Variants in GPC5 observed in about 807,000 individuals in gnomAD.
The protein encoded by GPC5 is glypican-5.
GPC5 carries 47 observed loss-of-function variants against 53.9 expected under a neutral mutation model. The ratio of observed to expected loss-of-function variants is 0.87; its 90% CI spans 0.69 to 1.11. GPC5 has a LOEUF of 1.11. Ranked by LOEUF, GPC5 falls within the 50% of genes most tolerant of loss-of-function variation. The pLI, the probability that GPC5 is intolerant of heterozygous loss-of-function variation, is 0.00. For missense variants in GPC5, 748 were observed against 713.1 expected (o/e 1.05, Z -0.56); for synonymous variants, 286 against 263.3 (o/e 1.09, Z -0.84).
chr13:92,684,243 GCTTT>G (rs1042197135), intron 7 of GPC5, among the ~76,000 whole-genome samples: 2 of 151,746 alleles, frequency 1.3e-5, no homozygotes, highest in African/African-American at 4.8e-5. Context: ...CCTTTTTATG[GCTTT>G]CTTTCTCTTT....
intron 6 of GPC5, among the ~76,000 whole-genome samples, chr13:92,032,283 C>T (rs543066363): frequency 8.6e-5 from 13 of 150,594 alleles, no homozygotes; most frequent in East Asian, 2.0e-4. Context: ...TTGGGGACTC[C>T]GGGGAAAGGG....
At chr13:92,074,234 G>A (rs774691914) in intron 6 of GPC5, among the ~76,000 whole-genome samples, 3 of 152,132 alleles carry the variant, frequency 2.0e-5, no homozygotes, top group Admixed American at 6.5e-5. Context: ...TAAACAATGG[G>A]GTAAGAAAAG....
intron 7 of GPC5, among the ~76,000 whole-genome samples, chr13:92,713,521 T>C (rs1299269725): frequency 6.8e-6 from 1 of 147,792 alleles, no homozygotes; most frequent in East Asian, 2.0e-4. Flanking sequence ...GGCAGGAGAA[T>C]GGCGTGAACC....
intron 7 of GPC5, among the ~76,000 whole-genome samples, chr13:92,466,965 A>C (rs1878715604): frequency 6.6e-6 from 1 of 152,188 alleles, no homozygotes; most frequent in Admixed American, 6.6e-5. Context: ...GCTAATTAAA[A>C]GTCTGGTGTT....
rs140174093 is a variant in GPC5 at position 91,564,890 on chromosome 13, T to A, written c.325+115968T>A. 7.8e-3 allele frequency among the ~76,000 whole-genome samples: 1,190 copies of A among 152,156 alleles called. 17 individuals are homozygous for A. Among genetic ancestry groups the A allele is most frequent in the African/African-American group, 0.026 (1,083 of 41,508 alleles). On this transcript the variant is annotated intron_variant, in intron 2 of 7. Coordinates refer to ENST00000377067, the MANE Select transcript of GPC5 (RefSeq NM_004466.6). ...ACAAAATTCAAATATTCATATTTTA[T>A]AAATTAAATAAAATAATTCAAGGTC...
rs371470947 is a variant in GPC5, at chr13:91,674,651, C to T, written c.326-18536C>T. Among the ~76,000 whole-genome samples the T allele has an allele frequency of 7.3e-5, 10 of 136,142 alleles. 2 individuals are homozygous for T. The South Asian group carries it at 2.1e-3, about 28-fold the overall frequency. 89.3% of individuals were successfully genotyped at this position (136,142 alleles called of 152,430 possible). ...CATATATATGCGTATGTGTATTATG[C>T]GTATGTGTATATATACGCATATATA... On this transcript the variant is annotated intron_variant, in intron 2 of 7. Coordinates refer to ENST00000377067, the MANE Select transcript of GPC5 (RefSeq NM_004466.6).
At chr13:92,540,344 T>C (rs1241131871) in intron 7 of GPC5, among the ~76,000 whole-genome samples, 1 of 151,996 alleles carries the variant, frequency 6.6e-6, no homozygotes, top group Non-Finnish European at 1.5e-5. Flanking sequence ...AGGTGTTAGA[T>C]GACTATAAAT....
At chr13:92,005,069 G>T (rs1427347533) in intron 6 of GPC5, among the ~76,000 whole-genome samples, 1 of 152,070 alleles carries the variant, frequency 6.6e-6, no homozygotes, top group East Asian at 1.9e-4. Flanking sequence ...ATACTCCATA[G>T]ACACACCCAG....
intron 6 of GPC5, among the ~76,000 whole-genome samples, chr13:92,095,213 G>A (rs1252318443): frequency 5.9e-5 from 9 of 152,118 alleles, no homozygotes; most frequent in African/African-American, 2.2e-4. Context: ...AAATTGCTGA[G>A]GGACTCATAT....
At chr13:92,630,242 A>C (rs2139130454) in intron 7 of GPC5, among the ~76,000 whole-genome samples, 1 of 152,296 alleles carries the variant, frequency 6.6e-6, no homozygotes, top group East Asian at 1.9e-4. Flanking sequence ...ACCTGAAAGC[A>C]CAGGGAAGTA....
At chr13:92,791,431 G>T (rs1053122573) in intron 7 of GPC5, among the ~76,000 whole-genome samples, 5 of 149,964 alleles carry the variant, frequency 3.3e-5, no homozygotes, top group Non-Finnish European at 7.4e-5. Context: ...GTGTGGGGGG[G>T]GGCGGGGGAG....
intron 5 of GPC5, among the ~76,000 whole-genome samples, chr13:91,805,823 G>T (rs1026286349): frequency 1.5e-4 from 23 of 152,030 alleles, no homozygotes; most frequent in Non-Finnish European, 3.1e-4. Context: ...TACACTAGGT[G>T]GCAGAGGCTT....
At chr13:91,814,076 G>T (rs747608709) in intron 5 of GPC5, among the ~76,000 whole-genome samples, 13 of 151,760 alleles carry the variant, frequency 8.6e-5, no homozygotes, top group Admixed American at 2.0e-4. Context: ...GGGACTACAG[G>T]CACGTGCCAC....
At chr13:91,963,810 G>T (rs2040150428) in intron 6 of GPC5, among the ~76,000 whole-genome samples, 1 of 152,116 alleles carries the variant, frequency 6.6e-6, no homozygotes, top group African/African-American at 2.4e-5. Flanking sequence ...TCATACCACT[G>T]CACCTGTGGT....
intron 2 of GPC5, among the ~76,000 whole-genome samples, chr13:91,561,832 T>C (rs2031278474): frequency 6.6e-6 from 1 of 152,146 alleles, no homozygotes; most frequent in Admixed American, 6.6e-5. Flanking sequence ...ATATTTTTAC[T>C]GAGAAAAATC....
intron 7 of GPC5, among the ~76,000 whole-genome samples, chr13:92,622,582 G>A (rs1348290167): frequency 7.0e-6 from 1 of 143,678 alleles, no homozygotes; most frequent in Non-Finnish European, 1.5e-5. Flanking sequence ...TTTTTTCTTT[G>A]AGACAGGTTC....
intron 6 of GPC5, among the ~76,000 whole-genome samples, chr13:92,122,643 C>T (rs1258548535): frequency 6.6e-6 from 1 of 151,160 alleles, no homozygotes; most frequent in Non-Finnish European, 1.5e-5. Flanking sequence ...AAACAGCATC[C>T]ATTGCTGTTA....
At chr13:91,974,611 A>G (rs7320180) in intron 6 of GPC5, among the ~76,000 whole-genome samples, 11,512 of 152,140 alleles carry the variant, frequency 0.076, 537 homozygotes, top group Middle Eastern at 0.13. Context: ...TGCTCAATGA[A>G]ATAAAAGAGG....
At chr13:91,665,707 G>A (rs918698671) in intron 2 of GPC5, among the ~76,000 whole-genome samples, 3 of 151,864 alleles carry the variant, frequency 2.0e-5, no homozygotes, top group African/African-American at 4.8e-5. Flanking sequence ...GGGTTTCACC[G>A]TGTTAGCCAG....
Sources: allele counts gnomAD v4.1 joint callset (sites outside exome capture counted in the v4.1 genomes callset), GRCh38; gene constraint gnomAD v4.1.1; transcripts MANE v1.5; gene names NCBI Gene and HGNC (gene_info 2026-07-23, HGNC 2026-07-21).